SLC9B1: variants seen among roughly 807,000 people sequenced by gnomAD.
SLC9B1 encodes the protein sodium/hydrogen exchanger 9B1.
SLC9B1 carries 32 observed loss-of-function variants against 51.7 expected under a neutral mutation model. The ratio of observed to expected loss-of-function variants is 0.62; its 90% CI spans 0.47 to 0.83. SLC9B1 has a LOEUF of 0.83. Ranked by LOEUF, SLC9B1 falls within the 40% of genes least tolerant of loss-of-function variation. The pLI, the probability that SLC9B1 is intolerant of heterozygous loss-of-function variation, is 0.00. For synonymous variants in SLC9B1, 145 were observed against 212.7 expected, an observed-to-expected ratio of 0.68 and a Z score of 2.77; for missense variants, 406 against 613.2, an observed-to-expected ratio of 0.66 and a Z score of 3.57.
intron 3 of SLC9B1, among the ~76,000 whole-genome samples, chr4:102,955,608 A>T (rs1737744298): frequency 6.6e-6 from 1 of 152,044 alleles, no homozygotes; most frequent in East Asian, 1.9e-4. Flanking sequence ...AACAGACAGA[A>T]TTGCAGCTTT....
chr4:102,938,720 C>T (rs535114949), intron 6 of SLC9B1, among the ~76,000 whole-genome samples: 15 of 152,134 alleles, frequency 9.9e-5, no homozygotes, highest in East Asian at 5.8e-4. Context: ...AACACTAAGA[C>T]GAACTCTCAA....
intron 3 of SLC9B1, among the ~76,000 whole-genome samples, chr4:102,978,914 A>G (rs575515116): frequency 1.3e-5 from 2 of 152,304 alleles, no homozygotes; most frequent in South Asian, 4.1e-4. Flanking sequence ...GCTCTCTAGT[A>G]TTTATTGATA....
At chr4:102,927,994 C>T (rs1240336641) in intron 7 of SLC9B1, among the ~76,000 whole-genome samples, 1 of 151,456 alleles carries the variant, frequency 6.6e-6, no homozygotes, top group Non-Finnish European at 1.5e-5. Context: ...CCAAACACCG[C>T]ATGTTCTCAC....
intron 4 of SLC9B1, among the ~76,000 whole-genome samples, chr4:102,947,965 G>GAGTGATGGTGGTTATAGC (rs1478675795): frequency 2.9e-4 from 16 of 55,590 alleles, no homozygotes; most frequent in Non-Finnish European, 4.8e-4. Flanking sequence ...GTGAATCCAT[G>GAGTGATGGTGGTTATAGC]AGTGATGGTG....
At chr4:103,016,154 G>T (rs1384096690) in intron 1 of SLC9B1, among the ~76,000 whole-genome samples, 3 of 55,490 alleles carry the variant, frequency 5.4e-5, no homozygotes, top group African/African-American at 9.5e-5. Context: ...AAAAAAAAAA[G>T]GAAAGTATAT....
chr4:102,958,827 G>A (rs1737936829), intron 3 of SLC9B1, among the ~76,000 whole-genome samples: 1 of 152,098 alleles, frequency 6.6e-6, no homozygotes, highest in Non-Finnish European at 1.5e-5. Context: ...GGAGGCTGAG[G>A]CAGGAGAATG....
chr4:102,954,832 T>A (rs1737699352), intron 3 of SLC9B1, among the ~76,000 whole-genome samples: 1 of 152,114 alleles, frequency 6.6e-6, no homozygotes, highest in Non-Finnish European at 1.5e-5. Context: ...ACATTACTAA[T>A]GAAAATTGTT....
At chr4:102,904,560 T>C (rs868263155) in intron 11 of SLC9B1, among the ~76,000 whole-genome samples, 11 of 152,240 alleles carry the variant, frequency 7.2e-5, no homozygotes, top group Middle Eastern at 6.8e-3. Flanking sequence ...AAAGGTTACA[T>C]TGGCTGGGCC....
At chr4:103,003,005 G>C (rs1740604152) in intron 1 of SLC9B1, among the ~76,000 whole-genome samples, 1 of 152,012 alleles carries the variant, frequency 6.6e-6, no homozygotes, top group South Asian at 2.1e-4. Context: ...CAAAATCCTT[G>C]CTTTTTTAAA....
intron 1 of SLC9B1, among the ~76,000 whole-genome samples, chr4:103,009,485 T>C (rs139926558): frequency 6.6e-6 from 1 of 152,346 alleles, no homozygotes; most frequent in African/African-American, 2.4e-5. Context: ...CATTAATAAT[T>C]GGCTAAATAA....
chr4:102,967,471 T>C (rs1237219229), intron 3 of SLC9B1, among the ~76,000 whole-genome samples: 11 of 152,310 alleles, frequency 7.2e-5, no homozygotes, highest in African/African-American at 2.6e-4. Flanking sequence ...CTGGAAAGAA[T>C]GACACTGGCA....
chr4:102,964,725 C>T (rs1738330977), intron 3 of SLC9B1, among the ~76,000 whole-genome samples: 1 of 151,964 alleles, frequency 6.6e-6, no homozygotes, highest in Non-Finnish European at 1.5e-5. Context: ...TGCAGAAAAG[C>T]ATTTGACAGA....
At position 102,999,008 on chromosome 4, in the gene SLC9B1, C is replaced by T. The variant is rs527673285; in HGVS notation, c.-1-7296G>A. Among the ~76,000 whole-genome samples, 16 of 152,238 alleles carry T rather than the reference C, an allele frequency of 1.1e-4. No homozygotes were observed. In the East Asian group the frequency reaches 1.2e-3, roughly 11 times the overall value. On this transcript the variant is annotated intron_variant, in intron 1 of 11. Transcript: ENST00000296422. ...CAAGTGGTAGGACTACTGGTGCACA[C>T]GTCCACACCCAGCAATTTATTTTTT...
At chr4:102,989,713 TAAG>T (rs1739846224) in intron 3 of SLC9B1, 84 bp downstream of exon 3, 1 of 863,150 alleles carries the variant, frequency 1.2e-6, no homozygotes, top group African/African-American at 1.7e-5. Context: ...GTATATTGAT[TAAG>T]TAGTGTCTTT....
intron 11 of SLC9B1, among the ~76,000 whole-genome samples, chr4:102,894,884 G>T (rs1734461730): frequency 6.6e-6 from 1 of 152,128 alleles, no homozygotes; most frequent in Admixed American, 6.5e-5. Flanking sequence ...AGTGAGCTGA[G>T]ATCCCACCAC....
At position 102,905,526 on chromosome 4, in the gene SLC9B1, T is replaced by G. The variant is rs538800740; in HGVS notation, c.1320A>C (p.Lys440Asn). 6.2e-7 allele frequency: 1 copy of G among 1,610,804 alleles called. No individual in the cohort carries two copies. The highest frequency in any genetic ancestry group is 1.3e-5 in the African/African-American group (1 of 74,816). Residue 440 changes from lysine (K) to asparagine (N), a missense_variant, in exon 11 of 12, where the codon AAA (lysine) becomes AAC (asparagine). This residue lies in a region of SLC9B1 where 24 missense variants were observed against 30.7 expected (regional missense o/e 0.78). Transcript: ENST00000296422. ...AATATGTTCTTACCTGTACTGTAGC[T>G]TTGGGCATCCATGCTAAAGCAATAA... ...KIFIALAWMPKATVQAVLGPL... is the reference protein window; with the variant it reads ...KIFIALAWMPNATVQAVLGPL...
chr4:102,888,489 T>C lies in SLC9B1; in HGVS notation c.1333-3161A>G, dbSNP rs554440776. The C allele has an allele frequency of 2.0e-5, 3 of 152,352 alleles. No individual in the cohort carries two copies. In the East Asian group the frequency reaches 5.8e-4, roughly 29 times the overall value. 9.4% of individuals were successfully genotyped at this position (152,352 alleles called of 1,614,324 possible). On this transcript the variant is annotated intron_variant, in intron 11 of 11. Transcript: ENST00000394789. ...TGATTGAAAAAAGTATGCGCGTAAT[T>C]GTACCCACCCAGTTCAAACCCGTGT... is the stretch of plus-strand genomic sequence containing the variant.
intron 3 of SLC9B1, among the ~76,000 whole-genome samples, chr4:102,982,052 G>A (rs4525980): frequency 0.051 from 7,588 of 150,254 alleles, 284 homozygotes; most frequent in Middle Eastern, 0.1. Flanking sequence ...TCTATGATAT[G>A]TTTCGAGGTA....
intron 7 of SLC9B1, among the ~76,000 whole-genome samples, chr4:102,921,396 G>A (rs1735870507): frequency 6.6e-6 from 1 of 152,088 alleles, no homozygotes; most frequent in African/African-American, 2.4e-5. Context: ...TGCCTTACAA[G>A]AGCTCCTGAA....
Sources: allele counts gnomAD v4.1 joint callset (sites outside exome capture counted in the v4.1 genomes callset), GRCh38; gene constraint gnomAD v4.1.1; regional missense constraint gnomAD v4.1.1; transcripts MANE v1.5; gene names NCBI Gene and HGNC (gene_info 2026-07-23, HGNC 2026-07-21).